Variants in MGAT5 observed in about 807,000 individuals in gnomAD.
MGAT5 encodes alpha-1,6-mannosylglycoprotein 6-beta-N-acetylglucosaminyltransferase, also known as alpha-1,6-mannosylglycoprotein 6-beta-N-acetylglucosaminyltransferase A.
A neutral mutation model predicts 94.3 loss-of-function variants in MGAT5; 30 were observed. The observed-to-expected ratio is 0.32, with a 90% CI of 0.24 to 0.43. MGAT5 has a LOEUF of 0.43. Ranked by LOEUF, MGAT5 falls within the 20% of genes least tolerant of loss-of-function variation. The pLI is 1.00. For synonymous variants in MGAT5, 310 were observed against 322.9 expected, an observed-to-expected ratio of 0.96 and a Z score of 0.43; for missense variants, 691 against 905.5, an observed-to-expected ratio of 0.76 and a Z score of 3.04.
chr2:134,243,826 G>T (rs1257188), intron 1 of MGAT5, among the ~76,000 whole-genome samples: 119,980 of 152,088 alleles, frequency 0.79, 47,666 homozygotes, highest in African/African-American at 0.87. Flanking sequence ...GTACCCAGCC[G>T]GTGCTCCTCC....
intron 10 of MGAT5, among the ~76,000 whole-genome samples, chr2:134,378,438 G>T (rs1573961406): frequency 6.6e-6 from 1 of 152,114 alleles, no homozygotes. Flanking sequence ...TATCAAACCC[G>T]AGAGGCAGAA....
chr2:134,306,977 C>T (rs191420650), intron 2 of MGAT5, among the ~76,000 whole-genome samples: 1 of 152,224 alleles, frequency 6.6e-6, no homozygotes, highest in East Asian at 1.9e-4. Context: ...AGGAGCAGGC[C>T]TCTTCCTAAT....
At chr2:134,150,396 C>T (rs754002972) in intron 1 of MGAT5, among the ~76,000 whole-genome samples, 2 of 152,190 alleles carry the variant, frequency 1.3e-5, no homozygotes. Context: ...CTCCCTATGC[C>T]CAGAAGCAGT....
At position 134,188,558 on chromosome 2, in the gene MGAT5, G is replaced by A. The variant is rs139664282; in HGVS notation, c.-142-65704G>A. ...ACATTTTAGCTGTTACTAAAAGGAA[G>A]AAGATTGTTGGTCATTAACAGTTGG... is the stretch of plus-strand genomic sequence containing the variant. On this transcript the variant is annotated intron_variant, in intron 1 of 16. Transcript: ENST00000409645. Among the ~76,000 whole-genome samples the A allele has an allele frequency of 2.6e-5, 4 of 152,344 alleles. No individual in the cohort carries two copies. The East Asian group carries it at 7.7e-4, about 29-fold the overall frequency.
chr2:134,354,861 C>T (rs1043333126), intron 9 of MGAT5, among the ~76,000 whole-genome samples: 10 of 152,120 alleles, frequency 6.6e-5, no homozygotes, highest in Non-Finnish European at 1.3e-4. Flanking sequence ...TCCTTCTGTC[C>T]GCATGCTAAA....
intron 1 of MGAT5, among the ~76,000 whole-genome samples, chr2:134,132,418 T>G (rs1686219667): frequency 6.6e-6 from 1 of 152,262 alleles, no homozygotes; most frequent in South Asian, 2.1e-4. Flanking sequence ...AAGAAAAGTT[T>G]CATAAAAAGT....
chr2:134,385,423 T>C (rs1681911889), intron 10 of MGAT5, among the ~76,000 whole-genome samples: 1 of 152,216 alleles, frequency 6.6e-6, no homozygotes, highest in African/African-American at 2.4e-5. Flanking sequence ...ACAGCATGTA[T>C]ATACCACAAT....
At chr2:134,192,560 T>C (rs561668499) in intron 1 of MGAT5, among the ~76,000 whole-genome samples, 7 of 152,306 alleles carry the variant, frequency 4.6e-5, no homozygotes, top group Admixed American at 4.6e-4. Flanking sequence ...AGCCTAAAAA[T>C]CCTCGTATTA....
intron 14 of MGAT5, among the ~76,000 whole-genome samples, chr2:134,437,865 A>C (rs1447909487): frequency 6.6e-6 from 1 of 152,116 alleles, no homozygotes; most frequent in African/African-American, 2.4e-5. Flanking sequence ...AAATACAAAA[A>C]TTAGCTGCGT....
chr2:134,362,578 C>A (rs1373106538), intron 10 of MGAT5, among the ~76,000 whole-genome samples, 170 bp downstream of exon 10: 1 of 152,190 alleles, frequency 6.6e-6, no homozygotes, highest in African/African-American at 2.4e-5. Context: ...GGTTTCTAAC[C>A]AAGGCTGTAT....
chr2:134,151,593 G>A (rs1687181314), intron 1 of MGAT5, among the ~76,000 whole-genome samples: 1 of 119,684 alleles, frequency 8.4e-6, no homozygotes, highest in Non-Finnish European at 1.7e-5. Flanking sequence ...CACGCCCTAT[G>A]GGACCTGCTT....
chr2:134,430,021 G>C (rs549288312), intron 14 of MGAT5, among the ~76,000 whole-genome samples: 24 of 152,328 alleles, frequency 1.6e-4, no homozygotes, highest in Admixed American at 1.4e-3. Flanking sequence ...TCAGGAGACA[G>C]AAGGTGTCCA....
chr2:134,382,204 A>G (rs567803761), intron 10 of MGAT5, among the ~76,000 whole-genome samples: 33 of 151,934 alleles, frequency 2.2e-4, no homozygotes, highest in African/African-American at 7.7e-4. Context: ...GTAGTGAGCT[A>G]TGATCATGCC....
At chr2:134,409,359 A>C (rs548218159) in intron 11 of MGAT5, among the ~76,000 whole-genome samples, 1 of 152,328 alleles carries the variant, frequency 6.6e-6, no homozygotes, top group East Asian at 1.9e-4. Flanking sequence ...AATAGAATAG[A>C]TTATAAATGG....
chr2:134,225,685 A>G (rs1255958264), intron 1 of MGAT5, among the ~76,000 whole-genome samples: 2 of 152,322 alleles, frequency 1.3e-5, no homozygotes, highest in East Asian at 3.9e-4. Flanking sequence ...GTATACAGTC[A>G]TTATAGGACA....
intron 1 of MGAT5, among the ~76,000 whole-genome samples, chr2:134,263,986 A>C (rs1289181461): frequency 2.7e-5 from 4 of 149,748 alleles, no homozygotes; most frequent in Admixed American, 2.7e-4. Context: ...TTTTTTAAAA[A>C]TTAAGATACT....
intron 1 of MGAT5, among the ~76,000 whole-genome samples, chr2:134,200,726 T>TA (rs1465463007): frequency 6.6e-6 from 1 of 152,050 alleles, no homozygotes; most frequent in Non-Finnish European, 1.5e-5. Flanking sequence ...GTAAACGAAA[T>TA]AAACAGGATT....
intron 1 of MGAT5, among the ~76,000 whole-genome samples, chr2:134,261,325 G>A (rs1235760205): frequency 6.6e-6 from 1 of 152,134 alleles, no homozygotes; most frequent in African/African-American, 2.4e-5. Context: ...CTTCCCAGCT[G>A]TGTCCTGGTG....
chr2:134,277,713 A>G (rs1310552512), intron 2 of MGAT5, among the ~76,000 whole-genome samples: 5 of 152,258 alleles, frequency 3.3e-5, no homozygotes, highest in African/African-American at 4.8e-5. Flanking sequence ...TTACAGTTTA[A>G]AAGTTACATA....
Sources: gnomAD v4.1 joint callset for allele counts (sites outside exome capture counted in the v4.1 genomes callset) on GRCh38, gnomAD v4.1.1 for gene constraint, MANE v1.5 for transcripts, NCBI Gene and HGNC (gene_info 2026-07-23, HGNC 2026-07-21) for gene names.